The following RELN variants were observed in gnomAD, a reference collection of about 807,000 sequenced individuals.
The protein encoded by RELN is reelin.
RELN carries 108 observed loss-of-function variants against 427.6 expected under a neutral mutation model. That is an observed-to-expected ratio of 0.25 (90% CI 0.22 to 0.30). The LOEUF is 0.30. Among genes scored for constraint, RELN ranks in the 10% least tolerant of loss-of-function variants. RELN has a pLI of 1.00. For synonymous variants in RELN, 1,524 were observed against 1,513.4 expected, an observed-to-expected ratio of 1.01 and a Z score of -0.16; for missense variants, 3,715 against 4,302.8, an observed-to-expected ratio of 0.86 and a Z score of 3.82.
chr7:103,882,998 G>A (rs1020213567), intron 2 of RELN, among the ~76,000 whole-genome samples: 3 of 152,140 alleles, frequency 2.0e-5, no homozygotes, highest in Non-Finnish European at 4.4e-5. Context: ...GAAAATTTCA[G>A]GCCAATATCC....
intron 11 of RELN, among the ~76,000 whole-genome samples, chr7:103,669,974 G>A (rs1392564257): frequency 1.3e-5 from 2 of 151,866 alleles, no homozygotes; most frequent in African/African-American, 4.8e-5. Context: ...ATGCCTTAAG[G>A]CAACTCTGTT....
At chr7:103,635,633 TCA>T in intron 18 of RELN, 47 bp from the exon 19 acceptor site, 1 of 1,505,986 alleles carries the variant, frequency 6.6e-7, no homozygotes, top group Non-Finnish European at 9.2e-7. Context: ...ACATTTTTAA[TCA>T]TAATGTTCAT....
intron 16 of RELN, among the ~76,000 whole-genome samples, chr7:103,649,089 C>T (rs1189965126): frequency 1.3e-4 from 19 of 151,940 alleles, no homozygotes; most frequent in Admixed American, 1.2e-3. Flanking sequence ...TACTGAGTAT[C>T]TACCCAAAGA....
chr7:103,549,371 T>A (rs1193739089), intron 41 of RELN, among the ~76,000 whole-genome samples: 1 of 152,192 alleles, frequency 6.6e-6, no homozygotes, highest in Non-Finnish European at 1.5e-5. Context: ...AGGGCACTGA[T>A]GCCAATCATG....
intron 24 of RELN, among the ~76,000 whole-genome samples, chr7:103,601,504 C>A (rs1034526474): frequency 6.6e-6 from 1 of 152,070 alleles, no homozygotes; most frequent in East Asian, 1.9e-4. Context: ...CATATCAGCC[C>A]TGTAGCATAT....
chr7:103,604,952 C>A (rs1831781653), intron 22 of RELN, among the ~76,000 whole-genome samples: 1 of 151,786 alleles, frequency 6.6e-6, no homozygotes, highest in African/African-American at 2.4e-5. Flanking sequence ...GCCTCAGCCT[C>A]CCAAATAGCT....
chr7:103,532,954 G>A (rs1010719868), intron 46 of RELN, among the ~76,000 whole-genome samples: 5 of 152,154 alleles, frequency 3.3e-5, no homozygotes, highest in Non-Finnish European at 7.3e-5. Flanking sequence ...AGCTCCTTGA[G>A]TCAGGGATCA....
At chr7:103,854,175 C>T (rs1793890046) in intron 2 of RELN, among the ~76,000 whole-genome samples, 1 of 152,076 alleles carries the variant, frequency 6.6e-6, no homozygotes, top group Non-Finnish European at 1.5e-5. Context: ...ATTCACCAAC[C>T]TGTTTGCTTT....
intron 3 of RELN, among the ~76,000 whole-genome samples, chr7:103,808,281 G>GA (rs1792649951): frequency 6.7e-6 from 1 of 149,446 alleles, no homozygotes; most frequent in Non-Finnish European, 1.5e-5. Flanking sequence ...GGAGGGGGGA[G>GA]GGATAGCATT....
chr7:103,915,761 T>TA (rs1795470531), intron 2 of RELN, among the ~76,000 whole-genome samples: 1 of 152,206 alleles, frequency 6.6e-6, no homozygotes, highest in Non-Finnish European at 1.5e-5. Flanking sequence ...TACCTAAAAT[T>TA]CAAATTTAAC....
In RELN at chr7:103,968,426, G is replaced by A. The variant is rs1032408001; in HGVS notation, c.226+20705C>T. Among the ~76,000 whole-genome samples, 1 of 152,118 alleles carries A rather than the reference G, an allele frequency of 6.6e-6. No individual in the cohort carries two copies. The highest frequency in any genetic ancestry group is 1.5e-5 in the Non-Finnish European group (1 of 68,016). ...CTTTCATCAGTTGGTTTGACATCAG[G>A]TCTGCAGGCACCATGCGTTGCTACT... On this transcript the variant is annotated intron_variant, in intron 1 of 64. Transcript: ENST00000428762. This position sits in a 1 kb window ranked among gnomAD's most constrained non-coding sequence, Gnocchi z 4.3.
intron 2 of RELN, among the ~76,000 whole-genome samples, chr7:103,909,792 A>G (rs868010021): frequency 2.3e-5 from 2 of 86,810 alleles, no homozygotes; most frequent in East Asian, 3.7e-4. Flanking sequence ...TATATATATT[A>G]AATATATATT....
intron 1 of RELN, among the ~76,000 whole-genome samples, chr7:103,966,325 T>G (rs1248537689): frequency 6.6e-6 from 1 of 152,184 alleles, no homozygotes; most frequent in East Asian, 1.9e-4. Flanking sequence ...ACAGGGCTCA[T>G]TCACACACAC....
At chr7:103,860,052 C>T (rs39406) in intron 2 of RELN, among the ~76,000 whole-genome samples, 52,056 of 151,938 alleles carry the variant, frequency 0.34, 9,604 homozygotes, top group Non-Finnish European at 0.42. Flanking sequence ...CTTTTATTGG[C>T]GTTAAACATG....
intron 13 of RELN, among the ~76,000 whole-genome samples, chr7:103,653,836 G>T (rs989529006): frequency 5.3e-5 from 8 of 152,086 alleles, no homozygotes; most frequent in Non-Finnish European, 1.2e-4. Context: ...AAGAATAACT[G>T]TCAGAGTATT....
chr7:103,698,831 G>C (rs1464118758), intron 9 of RELN, among the ~76,000 whole-genome samples: 1 of 152,062 alleles, frequency 6.6e-6, no homozygotes, highest in Non-Finnish European at 1.5e-5. Context: ...TGATCTTAAT[G>C]TTGGTTTTTA....
intron 51 of RELN, among the ~76,000 whole-genome samples, chr7:103,505,492 G>A (rs1465508027): frequency 1.3e-5 from 2 of 152,152 alleles, no homozygotes; most frequent in Non-Finnish European, 2.9e-5. Flanking sequence ...CTGCCAGAAG[G>A]AAAACTAACA....
Position 103,844,040 on chromosome 7 carries a change from C to T in RELN, c.338-10368G>A, listed in dbSNP as rs537680182. 6.6e-5 allele frequency among the ~76,000 whole-genome samples: 10 copies of T among 152,320 alleles called. No individual in the cohort carries two copies. In the East Asian group the frequency reaches 1.9e-3, roughly 29 times the overall value. The stretch of plus-strand genomic sequence containing the variant: ...ATATATTCTGCCTCACCACCTGGTG[C>T]CTGCTCCTGTGACCTGCTCTCTTGT... On this transcript the variant is annotated intron_variant, in intron 2 of 64. Transcript: ENST00000428762.
chr7:103,769,495 A>G (rs951323194), intron 4 of RELN, among the ~76,000 whole-genome samples: 1 of 152,088 alleles, frequency 6.6e-6, no homozygotes, highest in African/African-American at 2.4e-5. Flanking sequence ...GAACTGTGAG[A>G]AAATAAATTT....
Sources: allele counts gnomAD v4.1 joint callset (sites outside exome capture counted in the v4.1 genomes callset), GRCh38; gene constraint gnomAD v4.1.1; non-coding constraint Gnocchi (gnomAD v3.1); transcripts MANE v1.5; gene names NCBI Gene and HGNC (gene_info 2026-07-23, HGNC 2026-07-21).